The following COG5 variants were observed in gnomAD, a reference collection of about 807,000 sequenced individuals.
The protein encoded by COG5 is conserved oligomeric Golgi complex subunit 5.
A neutral mutation model predicts 110.4 loss-of-function variants in COG5; 86 were observed. The observed-to-expected ratio is 0.78, with a 90% CI of 0.65 to 0.93. COG5 has a LOEUF of 0.93. COG5 is among the 40% of genes least tolerant of loss of function. COG5 has a pLI of 0.00. For synonymous variants in COG5, 360 were observed against 334.6 expected, an observed-to-expected ratio of 1.08 and a Z score of -0.83; for missense variants, 1,077 against 987.0, an observed-to-expected ratio of 1.09 and a Z score of -1.22.
chr7:107,484,708 T>C (rs766940643), intron 6 of COG5, among the ~76,000 whole-genome samples: 1 of 152,202 alleles, frequency 6.6e-6, no homozygotes, highest in Non-Finnish European at 1.5e-5. Context: ...AAGTCTCACA[T>C]AGCTAATGAT....
chr7:107,414,703 CT>C (rs530323655), intron 6 of COG5, among the ~76,000 whole-genome samples: 8 of 61,702 alleles, frequency 1.3e-4, no homozygotes, highest in Admixed American at 5.2e-4. Flanking sequence ...CTCACTGTCC[CT>C]TTTTTTTTTT....
chr7:107,431,207 A>T (rs530472570), intron 6 of COG5, among the ~76,000 whole-genome samples: 1 of 152,356 alleles, frequency 6.6e-6, no homozygotes, highest in South Asian at 2.1e-4. Context: ...TCCCTAATGA[A>T]CTAATACACC....
chr7:107,520,415 C>T (rs1375117132), intron 6 of COG5, among the ~76,000 whole-genome samples: 1 of 152,178 alleles, frequency 6.6e-6, no homozygotes, highest in African/African-American at 2.4e-5. Context: ...AGCCCAAAAA[C>T]TCCTTAAATT....
chr7:107,291,105 A>G (rs1584629547), intron 12 of COG5, among the ~76,000 whole-genome samples: 1 of 152,146 alleles, frequency 6.6e-6, no homozygotes, highest in East Asian at 1.9e-4. Context: ...GTATTTCAAA[A>G]AACTGGGAAG....
At position 107,236,630 on chromosome 7, in the gene COG5, T is replaced by C. The variant is rs1407724148; in HGVS notation, c.1911A>G (p.Leu637=). The part of the protein sequence containing the change: ...DVPCSLYMKE[L]QGFIARVMSD... Reference sequence around the variant, plus strand: ...TCATAACTCTGGCAATGAAACCTTGTAGCTCCTTCATGTACAGAGAACAAG... The same window carrying C: ...TCATAACTCTGGCAATGAAACCTTGCAGCTCCTTCATGTACAGAGAACAAG... Residue 637 remains leucine, a synonymous_variant, in exon 18 of 22, where the codon CTA becomes CTG. Coordinates refer to ENST00000297135, the MANE Select transcript of COG5 (RefSeq NM_006348.5). The C allele has an allele frequency of 1.9e-6, 3 of 1,614,006 alleles. No individual in the cohort carries two copies. Among genetic ancestry groups the C allele is most frequent in the Admixed American group, 1.7e-5 (1 of 59,994 alleles).
intron 6 of COG5, among the ~76,000 whole-genome samples, chr7:107,458,192 CAG>C (rs879667407): frequency 7.9e-5 from 12 of 152,118 alleles, no homozygotes; most frequent in Non-Finnish European, 1.3e-4. Context: ...ACAAGAAAAA[CAG>C]AAAGAATTTG....
At chr7:107,442,879 T>C (rs1794806156) in intron 6 of COG5, among the ~76,000 whole-genome samples, 1 of 152,166 alleles carries the variant, frequency 6.6e-6, no homozygotes, top group Non-Finnish European at 1.5e-5. Context: ...ATAGCTGACC[T>C]AGCAGTATAA....
At chr7:107,509,416 G>A (rs567579645) in intron 6 of COG5, among the ~76,000 whole-genome samples, 6 of 152,198 alleles carry the variant, frequency 3.9e-5, no homozygotes, top group African/African-American at 7.2e-5. Flanking sequence ...CCAAGTCTAC[G>A]TCTGATTGGT....
intron 12 of COG5, among the ~76,000 whole-genome samples, chr7:107,296,941 G>A (rs1175191258): frequency 6.6e-6 from 1 of 152,200 alleles, no homozygotes; most frequent in Non-Finnish European, 1.5e-5. Context: ...AAAGAAAGGT[G>A]TGAAAGCCAA....
At chr7:107,389,947 G>A (rs1790498478) in intron 7 of COG5, among the ~76,000 whole-genome samples, 1 of 152,094 alleles carries the variant, frequency 6.6e-6, no homozygotes, top group African/African-American at 2.4e-5. Context: ...CCATCCATAT[G>A]TTTTCCTTAA....
Position 107,372,763 on chromosome 7 carries a change from T to TA in COG5, c.670-4dup, listed in dbSNP as rs776762790. 8 of 1,612,996 alleles carry TA rather than the reference T, an allele frequency of 5.0e-6. No homozygotes were observed. The South Asian group carries it at 6.6e-5, about 13-fold the overall frequency. On this transcript the variant is annotated splice_region_variant and splice_polypyrimidine_tract_variant and intron_variant, in intron 7 of 21. Transcript: ENST00000297135. ...GCTGTTCCGACTTGAGTTGGATTCT[T>TA]AAAAAAAGGTGGGGTGGGGTGGAAA...
chr7:107,375,690 T>G (rs946228999), intron 7 of COG5, among the ~76,000 whole-genome samples: 2 of 152,048 alleles, frequency 1.3e-5, no homozygotes, highest in Non-Finnish European at 2.9e-5. Context: ...TAACTAGTTG[T>G]TTTTTGTCAT....
intron 11 of COG5, among the ~76,000 whole-genome samples, chr7:107,321,313 A>C (rs1426025479): frequency 6.6e-6 from 1 of 152,200 alleles, no homozygotes; most frequent in Non-Finnish European, 1.5e-5. Context: ...AAAAAATGTA[A>C]AAGTCCTAAA....
intron 10 of COG5, among the ~76,000 whole-genome samples, chr7:107,331,603 G>C (rs1810253585): frequency 6.6e-6 from 1 of 152,146 alleles, no homozygotes; most frequent in African/African-American, 2.4e-5. Flanking sequence ...CCTTTCTATG[G>C]CCAGAGTAGT....
At chr7:107,344,339 A>G (rs1435001906) in intron 10 of COG5, among the ~76,000 whole-genome samples, 1 of 152,134 alleles carries the variant, frequency 6.6e-6, no homozygotes, top group Non-Finnish European at 1.5e-5. Flanking sequence ...AACCTCATGA[A>G]CTAATCTCTG....
At chr7:107,285,425 T>C (rs1047068086) in intron 12 of COG5, among the ~76,000 whole-genome samples, 17 of 152,224 alleles carry the variant, frequency 1.1e-4, no homozygotes, top group African/African-American at 4.1e-4. Flanking sequence ...AATCTACCGT[T>C]AAAGATCCTT....
At chr7:107,207,831 A>T (rs1036610324) in intron 21 of COG5, 1 of 985,362 alleles carries the variant, frequency 1.0e-6, no homozygotes, top group African/African-American at 1.7e-5. Flanking sequence ...GTGTCAGAAG[A>T]AAACAGGAAG....
At chr7:107,239,874 C>A (rs1395649880) in intron 17 of COG5, among the ~76,000 whole-genome samples, 3 of 152,192 alleles carry the variant, frequency 2.0e-5, no homozygotes. Context: ...TTTGTTCAGA[C>A]TTGGTTTGTG....
chr7:107,512,397 G>A (rs1236313003), intron 6 of COG5, among the ~76,000 whole-genome samples: 1 of 152,088 alleles, frequency 6.6e-6, no homozygotes, highest in Non-Finnish European at 1.5e-5. Flanking sequence ...AAATAAAAGA[G>A]GACACAAACA....
Sources: allele counts gnomAD v4.1 joint callset (sites outside exome capture counted in the v4.1 genomes callset), GRCh38; gene constraint gnomAD v4.1.1; transcripts MANE v1.5; gene names NCBI Gene and HGNC (gene_info 2026-07-23, HGNC 2026-07-21).